Variants in MYO18B observed in about 807,000 individuals in gnomAD.
The protein encoded by MYO18B is myosin XVIIIB, also known as unconventional myosin-XVIIIb.
In MYO18B, 204 loss-of-function variants were observed where a neutral mutation model predicts 273.0. The observed-to-expected ratio is 0.75, with a 90% CI of 0.67 to 0.84. The LOEUF is 0.84. Ranked by LOEUF, MYO18B falls within the 40% of genes least tolerant of loss-of-function variation. The pLI is 0.00. For missense variants in MYO18B, 3,212 were observed against 3,287.6 expected (o/e 0.98, Z 0.56); for synonymous variants, 1,330 against 1,305.7 (o/e 1.02, Z -0.40).
chr22:25,937,585 CTTT>C lies in MYO18B; in HGVS notation c.5518-8537_5518-8535del, dbSNP rs68167882. Among the ~76,000 whole-genome samples the C allele has an allele frequency of 1.4e-4, 19 of 140,584 alleles. 1 individual carries two copies. Among genetic ancestry groups the C allele is most frequent in the Admixed American group, 2.9e-4 (4 of 13,978 alleles). 92.2% of individuals were successfully genotyped at this position (140,584 alleles called of 152,430 possible). A position where few individuals can be genotyped will look rare whatever the true frequency, so the allele number is the denominator to read the frequency against. On this transcript the variant is annotated intron_variant, in intron 34 of 43. Coordinates refer to ENST00000335473, the MANE Select transcript of MYO18B (RefSeq NM_032608.7). Reference sequence around the variant, plus strand: ...CCATTGGTGGACCTGGCCTGACATTCTTTTTTTTTTTTTTTTTGAGATGGAGTT... The same window carrying C: ...CCATTGGTGGACCTGGCCTGACATTCTTTTTTTTTTTTTTGAGATGGAGTT...
intron 25 of MYO18B, among the ~76,000 whole-genome samples, chr22:25,885,149 T>C (rs16980967): frequency 0.024 from 3,621 of 152,302 alleles, 145 homozygotes; most frequent in African/African-American, 0.083. Flanking sequence ...TGCCAGCTGC[T>C]GCGATAAGTC....
chr22:25,850,728 C>T (rs979910255), intron 20 of MYO18B, among the ~76,000 whole-genome samples: 7 of 152,116 alleles, frequency 4.6e-5, no homozygotes, highest in African/African-American at 9.7e-5. Flanking sequence ...CGCACCACCA[C>T]GACTGGCAAA....
At chr22:25,916,033 A>G (rs1350110895) in intron 33 of MYO18B, among the ~76,000 whole-genome samples, 1 of 152,212 alleles carries the variant, frequency 6.6e-6, no homozygotes, top group African/African-American at 2.4e-5. Context: ...ATTGAACACA[A>G]ATTCAGGTAT....
intron 1 of MYO18B, among the ~76,000 whole-genome samples, chr22:25,759,736 A>T (rs553975156): frequency 6.6e-6 from 1 of 152,344 alleles, no homozygotes; most frequent in East Asian, 1.9e-4. Context: ...TAGTAATTGT[A>T]TGGAGATATG....
chr22:25,926,224 AG>A (rs1411858460), intron 34 of MYO18B, among the ~76,000 whole-genome samples: 1 of 152,064 alleles, frequency 6.6e-6, no homozygotes, highest in Non-Finnish European at 1.5e-5. Flanking sequence ...AGAAAAAAAA[AG>A]AAATTAGAAC....
At chr22:25,852,335 T>C (rs934290852) in intron 21 of MYO18B, among the ~76,000 whole-genome samples, 13 of 152,216 alleles carry the variant, frequency 8.5e-5, no homozygotes, top group African/African-American at 3.1e-4. Context: ...TCTGAAATAA[T>C]GTGAATCTCC....
At chr22:26,044,221 A>G in the MYO18B span, among the ~76,000 whole-genome samples, 1 of 152,182 alleles carries the variant, frequency 6.6e-6, no homozygotes, top group Non-Finnish European at 1.5e-5. Context: ...TATGATTTAG[A>G]TGCAAGTTCT....
chr22:25,885,410 C>T (rs374942761), intron 25 of MYO18B, among the ~76,000 whole-genome samples: 73 of 152,114 alleles, frequency 4.8e-4, no homozygotes, highest in African/African-American at 1.5e-3. Context: ...GAGGGCTTCA[C>T]GGGGGAGAAG....
intron 10 of MYO18B, 54 bp from the exon 11 acceptor site, chr22:25,785,374 G>T (rs2087337780): frequency 6.5e-7 from 1 of 1,544,966 alleles, no homozygotes; most frequent in Non-Finnish European, 8.8e-7. Context: ...CACCTGCCCT[G>T]CCAGGGCTGG....
At chr22:26,033,174 C>A (rs1936704105), downstream of MYO18B, among the ~76,000 whole-genome samples, 1 of 152,044 alleles carries the variant, frequency 6.6e-6, no homozygotes, top group Admixed American at 6.5e-5. Context: ...AGCCTGGAAC[C>A]TTTGAGTTTC....
rs56004208 is a variant in MYO18B at position 25,989,626 on chromosome 22, C to CAA, written c.6157-2712_6157-2711dup. ...TGAAACCCTGTCTCTACTAAAAATA[C>CAA]AAAAAAAAAAAAAAAAAAAAAAAAA... On this transcript the variant is annotated intron_variant, in intron 39 of 43. Transcript: ENST00000335473. Among the ~76,000 whole-genome samples, 226 of 88,568 alleles carry CAA rather than the reference C, an allele frequency of 2.6e-3. 15 individuals are homozygous for CAA. The highest frequency in any genetic ancestry group is 6.2e-3 in the East Asian group (13 of 2,092). The allele number at this position is 88,568 out of a possible 152,430, so 58.1% of individuals were successfully genotyped here.
intron 39 of MYO18B, among the ~76,000 whole-genome samples, chr22:25,980,297 T>C (rs1275352799): frequency 6.6e-6 from 1 of 152,188 alleles, no homozygotes; most frequent in Non-Finnish European, 1.5e-5. Context: ...TGCCTAAATG[T>C]TAACTTTCCA....
chr22:25,889,141 C>CT lies in MYO18B; in HGVS notation c.4315-1608dup, dbSNP rs956966773. Among the ~76,000 whole-genome samples the CT allele has an allele frequency of 6.5e-4, 99 of 151,370 alleles. 1 individual carries two copies. The highest frequency in any genetic ancestry group is 2.3e-3 in the African/African-American group (95 of 41,328). On this transcript the variant is annotated intron_variant, in intron 25 of 43. Transcript: ENST00000335473. ...CAAACATTCTATTCTGGAAATTTGC[C>CT]TTTTTTTCCCCTTTGGCAATATATC...
At chr22:25,861,066 T>A (rs1219717217) in intron 21 of MYO18B, among the ~76,000 whole-genome samples, 1 of 152,124 alleles carries the variant, frequency 6.6e-6, no homozygotes, top group Non-Finnish European at 1.5e-5. Context: ...TTTTGTTTTT[T>A]AGAGATAGGG....
chr22:25,800,040 C>T lies in MYO18B; in HGVS notation c.2521+1943C>T, dbSNP rs1205982514. On this transcript the variant is annotated intron_variant, in intron 12 of 43. Transcript: ENST00000335473. ...TGAGATGAAATAATGTCTTTTGCAG[C>T]AACTTGGATGGAGCTGGAGGCCATT... 3.9e-5 allele frequency among the ~76,000 whole-genome samples: 6 copies of T among 152,230 alleles called. 1 individual carries two copies. In the East Asian group the frequency reaches 1.2e-3, roughly 29 times the overall value.
chr22:26,019,473 G>C (rs371179650), intron 42 of MYO18B, among the ~76,000 whole-genome samples: 24 of 152,316 alleles, frequency 1.6e-4, no homozygotes, highest in South Asian at 1.2e-3. Context: ...AAGCCTAAAG[G>C]CATAATACAT....
At chr22:25,888,392 G>T (rs1454100783) in intron 25 of MYO18B, among the ~76,000 whole-genome samples, 1 of 152,110 alleles carries the variant, frequency 6.6e-6, no homozygotes, top group Admixed American at 6.5e-5. Context: ...TTCCAGAGCA[G>T]CTGGGACTAT....
chr22:25,956,055 C>T (rs1009485354), intron 39 of MYO18B, among the ~76,000 whole-genome samples: 2 of 152,130 alleles, frequency 1.3e-5, no homozygotes, highest in Non-Finnish European at 2.9e-5. Context: ...GAAACTGACA[C>T]GTGGAGATAT....
At chr22:25,861,060 G>T (rs986826034) in intron 21 of MYO18B, among the ~76,000 whole-genome samples, 1 of 151,876 alleles carries the variant, frequency 6.6e-6, no homozygotes, top group Admixed American at 6.6e-5. Flanking sequence ...GGCTGATTTT[G>T]TTTTTTAGAG....
Sources: gnomAD v4.1 joint callset for allele counts (sites outside exome capture counted in the v4.1 genomes callset) on GRCh38, gnomAD v4.1.1 for gene constraint, MANE v1.5 for transcripts, NCBI Gene and HGNC (gene_info 2026-07-23, HGNC 2026-07-21) for gene names.